The following PLEKHA5 variants were observed in gnomAD, a reference collection of about 807,000 sequenced individuals.
PLEKHA5 encodes pleckstrin homology domain containing A5.
A neutral mutation model predicts 181.9 loss-of-function variants in PLEKHA5; 55 were observed. The observed-to-expected ratio is 0.30, with a 90% CI of 0.24 to 0.38. PLEKHA5 has a LOEUF of 0.38. Among genes scored for constraint, PLEKHA5 ranks in the 10% least tolerant of loss-of-function variants. PLEKHA5 has a pLI of 1.00. For synonymous variants in PLEKHA5, 535 were observed against 529.4 expected, an observed-to-expected ratio of 1.01 and a Z score of -0.15; for missense variants, 1,432 against 1,549.5, an observed-to-expected ratio of 0.92 and a Z score of 1.27.
At chr12:19,133,464 T>C (rs2034624667) in intron 3 of PLEKHA5, among the ~76,000 whole-genome samples, 1 of 152,000 alleles carries the variant, frequency 6.6e-6, no homozygotes, top group African/African-American at 2.4e-5. Context: ...AATGCTGAAA[T>C]GCCAAACTGG....
chr12:19,140,853 G>A (rs370441376), intron 3 of PLEKHA5, among the ~76,000 whole-genome samples: 183 of 152,268 alleles, frequency 1.2e-3, no homozygotes, highest in Middle Eastern at 3.4e-3. Flanking sequence ...CAGTGACTCA[G>A]TCTCGGTTCA....
At chr12:19,158,338 G>A (rs1284178932) in intron 3 of PLEKHA5, among the ~76,000 whole-genome samples, 1 of 151,858 alleles carries the variant, frequency 6.6e-6, no homozygotes, top group Non-Finnish European at 1.5e-5. Flanking sequence ...GGGCGACAGA[G>A]TGAGACTCCG....
intron 3 of PLEKHA5, among the ~76,000 whole-genome samples, chr12:19,235,193 G>A (rs2061231368): frequency 6.6e-6 from 1 of 152,122 alleles, no homozygotes; most frequent in African/African-American, 2.4e-5. Context: ...CAAATTACAT[G>A]ATGAAATAAT....
At chr12:19,331,582 A>AT (rs1197388351) in intron 20 of PLEKHA5, among the ~76,000 whole-genome samples, 6 of 152,026 alleles carry the variant, frequency 3.9e-5, no homozygotes, top group African/African-American at 1.2e-4. Context: ...TCCTTAACTG[A>AT]TTTTTTTGGA....
At chr12:19,277,552 G>C (rs374083084) in intron 11 of PLEKHA5, among the ~76,000 whole-genome samples, 2 of 152,158 alleles carry the variant, frequency 1.3e-5, no homozygotes, top group South Asian at 2.1e-4. Context: ...TGTTATGCCA[G>C]TTTTTATAAA....
intron 3 of PLEKHA5, among the ~76,000 whole-genome samples, chr12:19,191,078 G>T (rs954882723): frequency 3.9e-5 from 6 of 152,158 alleles, no homozygotes; most frequent in South Asian, 2.1e-4. Context: ...ATTATTGGAT[G>T]ACCCACTGTC....
intron 3 of PLEKHA5, among the ~76,000 whole-genome samples, chr12:19,245,589 G>A (rs927867980): frequency 6.6e-6 from 1 of 151,656 alleles, no homozygotes; most frequent in Admixed American, 6.6e-5. Flanking sequence ...TTAGCCGGGC[G>A]TGGTGGCAGG....
intron 3 of PLEKHA5, among the ~76,000 whole-genome samples, chr12:19,162,317 A>G (rs867129051): frequency 7.2e-5 from 11 of 152,288 alleles, no homozygotes; most frequent in Non-Finnish European, 8.8e-5. Flanking sequence ...GAAGGCAGGC[A>G]AAGATTGTAA....
chr12:19,339,266 C>T (rs1317691052), intron 21 of PLEKHA5, among the ~76,000 whole-genome samples: 1 of 152,104 alleles, frequency 6.6e-6, no homozygotes, highest in African/African-American at 2.4e-5. Context: ...GTCTTGAACA[C>T]CTGACCTCAG....
intron 3 of PLEKHA5, among the ~76,000 whole-genome samples, chr12:19,148,075 G>C (rs1203738933): frequency 6.6e-6 from 1 of 151,098 alleles, no homozygotes; most frequent in Non-Finnish European, 1.5e-5. Flanking sequence ...TTTATTTTTT[G>C]AGACGGAGTC....
intron 30 of PLEKHA5, among the ~76,000 whole-genome samples, chr12:19,367,229 A>AATTAGTGCAT (rs965528475): frequency 2.8e-5 from 4 of 143,376 alleles, no homozygotes; most frequent in Non-Finnish European, 6.1e-5. Context: ...CAGGGATGGG[A>AATTAGTGCAT]ATTAGTGCAT....
chr12:19,263,671 C>T (rs1413655658), intron 7 of PLEKHA5, among the ~76,000 whole-genome samples: 9 of 152,070 alleles, frequency 5.9e-5, no homozygotes, highest in African/African-American at 1.9e-4. Flanking sequence ...CACTTGAATC[C>T]AGTAAAATGT....
chr12:19,225,563 G>A (rs553889087), intron 3 of PLEKHA5, among the ~76,000 whole-genome samples: 1 of 152,238 alleles, frequency 6.6e-6, no homozygotes, highest in South Asian at 2.1e-4. Context: ...CCTTGTAGAA[G>A]AACAAGACAG....
intron 3 of PLEKHA5, chr12:19,149,908 C>G (rs2039974189): frequency 6.6e-6 from 1 of 152,170 alleles, no homozygotes; most frequent in African/African-American, 2.4e-5. Context: ...AAGGTCAGTT[C>G]AGATTCAAAA....
intron 3 of PLEKHA5, chr12:19,152,570 G>A (rs951323124): frequency 3.9e-5 from 6 of 152,160 alleles, no homozygotes; most frequent in African/African-American, 1.4e-4. Flanking sequence ...GCAGTAGTAC[G>A]AACTTGGGGT....
At chr12:19,162,824 A>G (rs1247926434) in intron 3 of PLEKHA5, among the ~76,000 whole-genome samples, 3 of 152,144 alleles carry the variant, frequency 2.0e-5, no homozygotes, top group African/African-American at 4.8e-5. Flanking sequence ...TGGTATAATT[A>G]TGGGCGGTGA....
chr12:19,322,767 A>G (rs1004565355), intron 20 of PLEKHA5, 100 bp downstream of exon 20: 15 of 706,460 alleles, frequency 2.1e-5, no homozygotes, highest in East Asian at 1.3e-4. Context: ...GGATTCTTCT[A>G]TATTATTATA....
At chr12:19,133,025 A>G (rs535443187) in intron 3 of PLEKHA5, among the ~76,000 whole-genome samples, 18 of 151,838 alleles carry the variant, frequency 1.2e-4, no homozygotes, top group African/African-American at 3.9e-4. Flanking sequence ...AATTTGATAA[A>G]CAATGACGGT....
At chr12:19,138,487 C>T (rs949693951) in intron 3 of PLEKHA5, among the ~76,000 whole-genome samples, 2 of 151,408 alleles carry the variant, frequency 1.3e-5, no homozygotes, top group South Asian at 2.1e-4. Context: ...GCAGGAGAAT[C>T]GCTTGAACCC....
Sources: allele counts gnomAD v4.1 joint callset (sites outside exome capture counted in the v4.1 genomes callset), GRCh38; gene constraint gnomAD v4.1.1; transcripts MANE v1.5; gene names NCBI Gene and HGNC (gene_info 2026-07-23, HGNC 2026-07-21).